DAB1: variants seen among roughly 807,000 people sequenced by gnomAD.
DAB1 encodes DAB adaptor protein 1.
In DAB1, 15 loss-of-function variants were observed where a neutral mutation model predicts 64.6. The observed-to-expected ratio is 0.23, with a 90% confidence interval of 0.16 to 0.36. The LOEUF (loss-of-function observed/expected upper bound fraction) is 0.36, where lower values mean the gene tolerates loss of function less well. DAB1 is among the 10% of genes least tolerant of loss of function. DAB1 has a pLI of 1.00. For synonymous variants in DAB1, 235 were observed against 251.9 expected, an observed-to-expected ratio of 0.93 and a Z score of 0.64; for missense variants, 596 against 706.7, an observed-to-expected ratio of 0.84 and a Z score of 1.78.
chr1:57,024,576 A>G (rs1646725686), intron 10 of DAB1, among the ~76,000 whole-genome samples: 1 of 152,210 alleles, frequency 6.6e-6, no homozygotes, highest in African/African-American at 2.4e-5. Context: ...GAGGATTATT[A>G]AATACCCATT....
chr1:57,926,343 A>G (rs1644879515), intron 5 of DAB1, among the ~76,000 whole-genome samples: 1 of 152,196 alleles, frequency 6.6e-6, no homozygotes, highest in Non-Finnish European at 1.5e-5. Flanking sequence ...GTGAAACTAT[A>G]CTTTATCTCA....
chr1:57,098,625 A>T (rs1370475797), intron 4 of DAB1, among the ~76,000 whole-genome samples: 2 of 152,220 alleles, frequency 1.3e-5, no homozygotes, highest in Non-Finnish European at 2.9e-5. Flanking sequence ...TTTATCATGC[A>T]TACATTATGG....
chr1:58,074,779 C>A (rs1457984846), intron 5 of DAB1, among the ~76,000 whole-genome samples: 1 of 151,672 alleles, frequency 6.6e-6, no homozygotes, highest in Non-Finnish European at 1.5e-5. Flanking sequence ...AGAAACTTTG[C>A]CACAGCAGTA....
At chr1:57,229,553 AGCTTT>A (rs1469877054) in intron 2 of DAB1, among the ~76,000 whole-genome samples, 1 of 152,168 alleles carries the variant, frequency 6.6e-6, no homozygotes, top group Non-Finnish European at 1.5e-5. Flanking sequence ...TAAAATTTCA[AGCTTT>A]GCCAAAACTG....
intron 3 of DAB1, among the ~76,000 whole-genome samples, chr1:58,465,464 A>G (rs1175811688): frequency 1.3e-5 from 2 of 152,192 alleles, no homozygotes; most frequent in Non-Finnish European, 2.9e-5. Flanking sequence ...CGACGACAAA[A>G]TGTGCAACCA....
intron 4 of DAB1, among the ~76,000 whole-genome samples, chr1:58,155,689 A>G (rs1200430480): frequency 6.6e-6 from 1 of 152,244 alleles, no homozygotes; most frequent in Non-Finnish European, 1.5e-5. Flanking sequence ...TATCAGAGCA[A>G]GCAATGACAT....
At chr1:57,893,517 C>T (rs1644348386) in intron 5 of DAB1, among the ~76,000 whole-genome samples, 1 of 152,106 alleles carries the variant, frequency 6.6e-6, no homozygotes, top group Admixed American at 6.6e-5. Flanking sequence ...AGCCCTGGTC[C>T]CTGCCCTCAG....
intron 2 of DAB1, among the ~76,000 whole-genome samples, chr1:58,515,938 T>G (rs532495617): frequency 6.6e-6 from 1 of 152,310 alleles, no homozygotes; most frequent in South Asian, 2.1e-4. Flanking sequence ...AATTTGAAAT[T>G]TTCTCATTTC....
Position 57,031,007 on chromosome 1 carries a change from T to G in DAB1, c.724-4964A>C, listed in dbSNP as rs565561011. Among the ~76,000 whole-genome samples, 167 of 152,352 alleles carry G rather than the reference T, an allele frequency of 1.1e-3. 2 individuals carry two copies. The highest frequency in any genetic ancestry group is 6.8e-3 in the Middle Eastern group (2 of 294). On this transcript the variant is annotated intron_variant, in intron 9 of 14. Transcript: ENST00000371236. ...TGTTGAACTCATGGCATACTTTTAC[T>G]AACATCATAAATATAATTTATTGGC...
chr1:58,322,070 A>T (rs1450110650), intron 4 of DAB1, among the ~76,000 whole-genome samples: 2 of 152,162 alleles, frequency 1.3e-5, no homozygotes, highest in South Asian at 4.1e-4. Flanking sequence ...CCTTCCTTAC[A>T]CCTTATACAA....
intron 5 of DAB1, among the ~76,000 whole-genome samples, chr1:58,016,008 G>A (rs778410101): frequency 2.0e-5 from 3 of 152,040 alleles, no homozygotes; most frequent in Non-Finnish European, 2.9e-5. Context: ...AACAGCCTAG[G>A]GGGGGGTAGT....
intron 4 of DAB1, among the ~76,000 whole-genome samples, chr1:58,201,969 A>G (rs760554840): frequency 2.0e-5 from 3 of 152,170 alleles, no homozygotes; most frequent in African/African-American, 7.2e-5. Flanking sequence ...TTCTGCTTCT[A>G]TCAAACACTT....
intron 5 of DAB1, among the ~76,000 whole-genome samples, chr1:58,119,978 T>A (rs777939084): frequency 1.3e-5 from 2 of 152,092 alleles, no homozygotes; most frequent in Non-Finnish European, 2.9e-5. Context: ...TATCCCCACA[T>A]TCCAAAATTT....
intron 3 of DAB1, among the ~76,000 whole-genome samples, chr1:57,143,333 T>G (rs1658793634): frequency 6.6e-6 from 1 of 152,156 alleles, no homozygotes; most frequent in Admixed American, 6.5e-5. Flanking sequence ...AAAGCTAGAG[T>G]TTGGAATTCT....
At chr1:57,904,485 G>A (rs1264753528) in intron 5 of DAB1, among the ~76,000 whole-genome samples, 1 of 152,072 alleles carries the variant, frequency 6.6e-6, no homozygotes, top group Non-Finnish European at 1.5e-5. Context: ...ACACACTATA[G>A]ACTAAGCAAA....
intron 5 of DAB1, among the ~76,000 whole-genome samples, chr1:58,101,884 G>A (rs960198217): frequency 2.6e-5 from 4 of 152,190 alleles, no homozygotes; most frequent in African/African-American, 7.2e-5. Context: ...CACAGTGACT[G>A]AGAGTTGGTT....
chr1:57,937,698 C>T (rs551887739), intron 5 of DAB1, among the ~76,000 whole-genome samples: 46 of 152,310 alleles, frequency 3.0e-4, no homozygotes, highest in African/African-American at 1.0e-3. Flanking sequence ...AGCTTCAAAA[C>T]CTGTTGTTGC....
chr1:57,512,378 A>C (rs1351821013), intron 7 of DAB1, among the ~76,000 whole-genome samples: 1 of 152,224 alleles, frequency 6.6e-6, no homozygotes, highest in African/African-American at 2.4e-5. Context: ...TTATAAACCT[A>C]TTAATAAATA....
intron 6 of DAB1, among the ~76,000 whole-genome samples, chr1:57,820,038 C>G (rs1434937196): frequency 6.6e-6 from 1 of 152,176 alleles, no homozygotes; most frequent in Non-Finnish European, 1.5e-5. Flanking sequence ...CTCATTTGGT[C>G]TTCAGAGCAG....
Sources: allele counts gnomAD v4.1 joint callset (sites outside exome capture counted in the v4.1 genomes callset), GRCh38; gene constraint gnomAD v4.1.1; transcripts MANE v1.5; gene names NCBI Gene and HGNC (gene_info 2026-07-23, HGNC 2026-07-21).